The following FBXL7 variants were observed in gnomAD, a reference collection of about 807,000 sequenced individuals.
FBXL7 encodes the protein F-box and leucine rich repeat protein 7, also known as F-box/LRR-repeat protein 7.
In FBXL7, 12 loss-of-function variants were observed where a neutral mutation model predicts 38.3. The observed-to-expected ratio is 0.31, with a 90% CI of 0.20 to 0.51. FBXL7 has a LOEUF of 0.51. Among genes scored for constraint, FBXL7 ranks in the 20% least tolerant of loss-of-function variants. FBXL7 has a pLI of 0.98. For synonymous variants in FBXL7, 297 were observed against 300.9 expected (o/e 0.99, Z 0.13); for missense variants, 567 against 676.4 (o/e 0.84, Z 1.79).
chr5:15,822,459 C>A (rs1738196920), intron 2 of FBXL7, among the ~76,000 whole-genome samples: 1 of 152,134 alleles, frequency 6.6e-6, no homozygotes, highest in African/African-American at 2.4e-5. Flanking sequence ...CTTGACCAGC[C>A]TTTCCTCCCT....
At chr5:15,596,781 G>A (rs997175617) in intron 1 of FBXL7, among the ~76,000 whole-genome samples, 2 of 152,156 alleles carry the variant, frequency 1.3e-5, no homozygotes, top group Admixed American at 6.5e-5. Flanking sequence ...AAAAGGACAG[G>A]GCTAGGAGAG....
chr5:15,688,110 C>T (rs1385130134), intron 2 of FBXL7, among the ~76,000 whole-genome samples: 1 of 152,106 alleles, frequency 6.6e-6, no homozygotes, highest in Non-Finnish European at 1.5e-5. Flanking sequence ...ATATAATTTA[C>T]TTTTCTTCTA....
At chr5:15,785,812 C>A (rs1179355188) in intron 2 of FBXL7, among the ~76,000 whole-genome samples, 1 of 152,224 alleles carries the variant, frequency 6.6e-6, no homozygotes, top group East Asian at 1.9e-4. Context: ...AGCCCCCTCG[C>A]AGTTCAGTTG....
chr5:15,619,315 A>G lies in FBXL7; in HGVS notation c.127+3243A>G, dbSNP rs572900779. ...GTTAACAGGTGTGGACCATCAGGAG[A>G]TTGTCTCTCCCTGGTTGCGGAATTA... On this transcript the variant is annotated intron_variant, in intron 2 of 3. Transcript: ENST00000504595. Among the ~76,000 whole-genome samples the G allele has an allele frequency of 1.1e-4, 16 of 152,132 alleles. No individual in the cohort carries two copies. In the South Asian group the frequency reaches 2.9e-3, roughly 28 times the overall value.
At chr5:15,632,824 G>T (rs898713093) in intron 2 of FBXL7, among the ~76,000 whole-genome samples, 13 of 152,148 alleles carry the variant, frequency 8.5e-5, no homozygotes, top group African/African-American at 2.4e-5. Context: ...GAGTACTCAC[G>T]GACATAAAGA....
intron 2 of FBXL7, among the ~76,000 whole-genome samples, chr5:15,687,332 T>G (rs1743043175): frequency 6.6e-6 from 1 of 152,220 alleles, no homozygotes; most frequent in Non-Finnish European, 1.5e-5. Flanking sequence ...GGTAGTAGTT[T>G]TACAGAATCC....
At chr5:15,510,234 G>A (rs1009085011) in intron 1 of FBXL7, among the ~76,000 whole-genome samples, 9 of 152,128 alleles carry the variant, frequency 5.9e-5, no homozygotes, top group Admixed American at 5.9e-4. Context: ...CCCTTTCTGT[G>A]GTAAATTCCT....
chr5:15,922,505 C>T (rs181888652), intron 2 of FBXL7, among the ~76,000 whole-genome samples: 4 of 152,182 alleles, frequency 2.6e-5, no homozygotes, highest in African/African-American at 4.8e-5. Context: ...GGAAGGAAGG[C>T]GTTTAGGGGA....
intron 1 of FBXL7, among the ~76,000 whole-genome samples, chr5:15,578,161 G>A (rs1739028628): frequency 6.6e-6 from 1 of 152,058 alleles, no homozygotes; most frequent in Admixed American, 6.6e-5. Context: ...TATTATACTG[G>A]GAAAGTGCCT....
At chr5:15,883,946 C>A (rs1167503175) in intron 2 of FBXL7, among the ~76,000 whole-genome samples, 1 of 152,188 alleles carries the variant, frequency 6.6e-6, no homozygotes, top group Non-Finnish European at 1.5e-5. Flanking sequence ...CATTTGTCTT[C>A]TCCATTATTT....
chr5:15,803,286 A>G (rs1236717850), intron 2 of FBXL7, among the ~76,000 whole-genome samples: 3 of 152,174 alleles, frequency 2.0e-5, no homozygotes, highest in Admixed American at 2.0e-4. Context: ...GGTATCACCC[A>G]TAATCAACCT....
rs575651337 is a variant in FBXL7 at position 15,833,972 on chromosome 5, G to A, written c.128-93918G>A. ...TCTTAGAATATAACAGTCATAAGAA[G>A]TTGCATCAGAAACATCCAGGTGCTC... On this transcript the variant is annotated intron_variant, in intron 2 of 3. Transcript: ENST00000504595. 1.5e-3 allele frequency among the ~76,000 whole-genome samples: 222 copies of A among 152,314 alleles called. 1 individual carries two copies. Among genetic ancestry groups the A allele is most frequent in the Non-Finnish European group, 2.5e-3 (168 of 68,020 alleles).
intron 1 of FBXL7, among the ~76,000 whole-genome samples, chr5:15,538,763 G>A (rs1737656801): frequency 6.6e-6 from 1 of 152,188 alleles, no homozygotes; most frequent in African/African-American, 2.4e-5. Context: ...TTGGAGGGCT[G>A]GTGGGCAGCA....
intron 2 of FBXL7, among the ~76,000 whole-genome samples, chr5:15,851,094 A>C (rs748944126): frequency 7.2e-5 from 11 of 152,110 alleles, no homozygotes; most frequent in Admixed American, 2.6e-4. Flanking sequence ...TTGCTTGTGG[A>C]GCTATTATAC....
At chr5:15,870,745 C>A (rs1739920260) in intron 2 of FBXL7, among the ~76,000 whole-genome samples, 1 of 152,214 alleles carries the variant, frequency 6.6e-6, no homozygotes, top group Non-Finnish European at 1.5e-5. Context: ...CCACTATAGC[C>A]AGAATGCCTC....
chr5:15,820,286 G>A (rs1016889329), intron 2 of FBXL7, among the ~76,000 whole-genome samples: 1 of 152,046 alleles, frequency 6.6e-6, no homozygotes, highest in Non-Finnish European at 1.5e-5. Flanking sequence ...GTCTGTGTGT[G>A]TCCTCACCTC....
intron 2 of FBXL7, among the ~76,000 whole-genome samples, chr5:15,659,971 T>C (rs1742003741): frequency 6.6e-6 from 1 of 152,240 alleles, no homozygotes; most frequent in Non-Finnish European, 1.5e-5. Context: ...CACTTTTACT[T>C]TTGTAAACCA....
intron 2 of FBXL7, among the ~76,000 whole-genome samples, chr5:15,895,898 C>T (rs1279763197): frequency 6.6e-6 from 1 of 152,014 alleles, no homozygotes; most frequent in Non-Finnish European, 1.5e-5. Context: ...CCTTCCTCAG[C>T]CTCCCAAAGT....
At chr5:15,710,341 C>G (rs1743822787) in intron 2 of FBXL7, among the ~76,000 whole-genome samples, 2 of 152,144 alleles carry the variant, frequency 1.3e-5, no homozygotes, top group Non-Finnish European at 2.9e-5. Flanking sequence ...TGGAGTACAC[C>G]AGAAACATGA....
Sources: gnomAD v4.1 joint callset for allele counts (sites outside exome capture counted in the v4.1 genomes callset) on GRCh38, gnomAD v4.1.1 for gene constraint, MANE v1.5 for transcripts, NCBI Gene and HGNC (gene_info 2026-07-23, HGNC 2026-07-21) for gene names.